Variants in STARD10 observed in about 807,000 individuals in gnomAD.
STARD10 encodes the protein StAR related lipid transfer domain containing 10, also known as START domain-containing protein 10.
Under a neutral mutation model 36.0 loss-of-function variants are expected in STARD10, and 24 were observed. The ratio of observed to expected loss-of-function variants is 0.67; its 90% CI spans 0.48 to 0.94. STARD10 has a LOEUF of 0.94. Among genes scored for constraint, STARD10 ranks in the 40% least tolerant of loss-of-function variants. STARD10 has a pLI of 0.00. For synonymous variants in STARD10, 156 were observed against 161.9 expected, an observed-to-expected ratio of 0.96 and a Z score of 0.28; for missense variants, 335 against 396.6, an observed-to-expected ratio of 0.84 and a Z score of 1.32.
intron 2 of STARD10, among the ~76,000 whole-genome samples, chr11:72,761,168 G>A (rs1858711087): frequency 6.6e-6 from 1 of 152,210 alleles, no homozygotes; most frequent in African/African-American, 2.4e-5. Context: ...ACAGAGGAAT[G>A]AGCTAAGTGA....
chr11:72,761,012 TTCCCCCTC>T (rs1364916729), intron 2 of STARD10, among the ~76,000 whole-genome samples: 1 of 152,202 alleles, frequency 6.6e-6, no homozygotes, highest in Non-Finnish European at 1.5e-5. Context: ...TCACACTGTC[TTCCCCCTC>T]ATCCCAGAAT....
intron 1 of STARD10, among the ~76,000 whole-genome samples, chr11:72,790,592 A>G (rs559779): frequency 1 from 151,962 of 152,322 alleles, 75,801 homozygotes; most frequent in Middle Eastern, 1. Flanking sequence ...TGCTGTTAGC[A>G]TTCATGGACT....
intron 2 of STARD10, among the ~76,000 whole-genome samples, chr11:72,776,166 C>G (rs1858927250): frequency 6.6e-6 from 1 of 152,178 alleles, no homozygotes; most frequent in Admixed American, 6.5e-5. Context: ...TTCTAGGGAC[C>G]TCTCTGATGG....
intron 2 of STARD10, among the ~76,000 whole-genome samples, chr11:72,766,610 C>G (rs998341453): frequency 3.9e-5 from 6 of 152,246 alleles, no homozygotes; most frequent in Middle Eastern, 3.4e-3. Context: ...CACTCTACCC[C>G]CCACCTCTCT....
At chr11:72,760,999 A>G (rs1393339492) in intron 2 of STARD10, among the ~76,000 whole-genome samples, 1 of 152,216 alleles carries the variant, frequency 6.6e-6, no homozygotes, top group Non-Finnish European at 1.5e-5. Flanking sequence ...TATGAGGGAG[A>G]GGTCACACTG....
intron 2 of STARD10, among the ~76,000 whole-genome samples, chr11:72,772,884 G>A (rs1046012695): frequency 2.6e-5 from 4 of 152,042 alleles, no homozygotes; most frequent in Non-Finnish European, 5.9e-5. Context: ...AGAAGCCCCT[G>A]TACCGTCCCC....
In STARD10 at chr11:72,755,802, C is replaced by T. The variant is rs201944186; in HGVS notation, c.578-49G>A. ...AGCAGCCTCAGGGACCCAGCCCCTC[C>T]GCCCCTGACAAAAGCCCCACCCTCT... On this transcript the variant is annotated intron_variant, in intron 5 of 6. Coordinates refer to ENST00000334805, the MANE Select transcript of STARD10 (RefSeq NM_006645.3). The T allele has an allele frequency of 4.3e-5, 66 of 1,542,074 alleles. No homozygotes were observed. The East Asian group carries it at 6.3e-4, about 15-fold the overall frequency.
At position 72,780,991 on chromosome 11, in the gene STARD10, G is replaced by A. The variant is rs1333191577; in HGVS notation, c.191C>T (p.Thr64Met). Residue 64 changes from threonine to methionine, a missense_variant, in exon 2 of 7, where the codon ACG becomes ATG. Transcript: ENST00000334805. ...VWVQAVEMDR[T>M]LHKIKCRMEC... ...CAACCCTACCTTGATCTTGTGCAGC[G>A]TCCGATCCATCTCCACAGCCTGCAC... 1.9e-6 allele frequency: 3 copies of A among 1,614,032 alleles called. No homozygotes were observed. Among genetic ancestry groups the A allele is most frequent in the Non-Finnish European group, 2.5e-6 (3 of 1,180,016 alleles).
intron 6 of STARD10, 161 bp from the exon 7 acceptor site, chr11:72,755,303 A>ATTAT: frequency 6.2e-6 from 3 of 483,478 alleles, no homozygotes; most frequent in Non-Finnish European, 9.6e-6. Flanking sequence ...TCCATTCTCC[A>ATTAT]TTCTTTTTTT....
At chr11:72,779,572 A>C (rs1858966617) in intron 2 of STARD10, among the ~76,000 whole-genome samples, 1 of 151,906 alleles carries the variant, frequency 6.6e-6, no homozygotes, top group Non-Finnish European at 1.5e-5. Context: ...TGAGAGACAG[A>C]GTGAGGCTTC....
rs75056742 is a variant in STARD10 at position 72,786,596 on chromosome 11, C to A, written c.-113-5302G>T. Among the ~76,000 whole-genome samples the A allele has an allele frequency of 8.7e-4, 133 of 152,286 alleles. 5 individuals carry two copies. In the East Asian group the frequency reaches 0.024, roughly 28 times the overall value. ...AGCCTCAGGGAGCCACACTGTAGTG[C>A]GCAGCCTCAAAGTCAGTGCAGGTCA... is the stretch of plus-strand genomic sequence containing the variant. On this transcript the variant is annotated intron_variant, in intron 1 of 6. Coordinates refer to ENST00000334805, the MANE Select transcript of STARD10 (RefSeq NM_006645.3).
chr11:72,781,100 G>C lies in STARD10; in HGVS notation c.82C>G (p.Gln28Glu). ...GRESVQVPDD[Q>E]DFRSFRSECE... ...TCTGACCGGAAGCTGCGAAAGTCTT[G>C]GTCATCGGGCACCTGGACACTCTCA... Residue 28 changes from glutamine (Q) to glutamate (E), a missense_variant, in exon 2 of 7, where the codon CAA becomes GAA. Coordinates refer to ENST00000334805, the MANE Select transcript of STARD10 (RefSeq NM_006645.3). This position sits in a 1 kb window ranked among gnomAD's most constrained non-coding sequence, Gnocchi z 4.7. 6.2e-7 allele frequency: 1 copy of C among 1,614,006 alleles called. No individual in the cohort carries two copies. The highest frequency in any genetic ancestry group is 1.1e-5 in the South Asian group (1 of 91,088).
At position 72,758,539 on chromosome 11, in the gene STARD10, G is replaced by C; in HGVS notation, c.450C>G (p.Val150=). ...AGGCAGGTTGACTCACGGGATGTTT[G>C]ACTGAGTAGTTCATAATGATGTAAT... is the stretch of plus-strand genomic sequence containing the variant. ...GADYIIMNYS[V]KHPKYPPRKD... is the part of the protein sequence containing the mutation. The change falls in exon 4 of 7, where the codon GTC becomes GTG. Residue 150 remains valine, a synonymous_variant. Coordinates refer to ENST00000334805, the MANE Select transcript of STARD10 (RefSeq NM_006645.3). 6.2e-7 allele frequency: 1 copy of C among 1,613,698 alleles called. No individual in the cohort carries two copies. Among genetic ancestry groups the C allele is most frequent in the Non-Finnish European group, 8.5e-7 (1 of 1,179,754 alleles).
chr11:72,764,561 C>G (rs1858761647), intron 2 of STARD10, among the ~76,000 whole-genome samples: 1 of 152,256 alleles, frequency 6.6e-6, no homozygotes, highest in African/African-American at 2.4e-5. Flanking sequence ...GCCTCCCTAG[C>G]CTGGCCTGGC....
intron 2 of STARD10, among the ~76,000 whole-genome samples, chr11:72,771,642 T>C (rs11235588): frequency 0.098 from 14,891 of 152,090 alleles, 843 homozygotes; most frequent in South Asian, 0.18. Flanking sequence ...TCATCCCTGC[T>C]CTGCCTCTTT....
chr11:72,771,604 C>T (rs953331581), intron 2 of STARD10, among the ~76,000 whole-genome samples: 7 of 152,118 alleles, frequency 4.6e-5, no homozygotes, highest in African/African-American at 1.7e-4. Flanking sequence ...AGGCCTTCTC[C>T]GCCGCTCTCC....
intron 2 of STARD10, among the ~76,000 whole-genome samples, chr11:72,776,687 G>A (rs907570390): frequency 6.6e-6 from 1 of 152,076 alleles, no homozygotes; most frequent in African/African-American, 2.4e-5. Context: ...TGGGATTAAG[G>A]AGACCTGTCC....
chr11:72,755,294 C>T lies in STARD10; in HGVS notation c.631-152G>A, dbSNP rs888211137. 1.3e-4 allele frequency: 87 copies of T among 675,508 alleles called. No individual in the cohort carries two copies. The African/African-American group carries it at 1.7e-3, about 13-fold the overall frequency. The allele number at this position is 675,508 out of a possible 1,614,324, so 41.8% of individuals were successfully genotyped here. ...ACTTGCCCTCCCTGGGCCCTAGGCT[C>T]CATTCTCCATTCTTTTTTTTTTTTT... On this transcript the variant is annotated intron_variant, in intron 6 of 6. Transcript: ENST00000334805.
chr11:72,785,889 C>T (rs1055286848), intron 1 of STARD10: 2 of 150,452 alleles, frequency 1.3e-5, no homozygotes, highest in African/African-American at 4.9e-5. Context: ...TACCCCTTCT[C>T]CCCCACCCCC....
Sources: allele counts gnomAD v4.1 joint callset (sites outside exome capture counted in the v4.1 genomes callset), GRCh38; gene constraint gnomAD v4.1.1; non-coding constraint Gnocchi (gnomAD v3.1); transcripts MANE v1.5; gene names NCBI Gene and HGNC (gene_info 2026-07-23, HGNC 2026-07-21).